Variants in RALGAPA2 observed in about 807,000 individuals in gnomAD.
RALGAPA2 encodes the protein Ral GTPase activating protein catalytic subunit alpha 2.
RALGAPA2 carries 139 observed loss-of-function variants against 230.4 expected under a neutral mutation model. The ratio of observed to expected loss-of-function variants is 0.60; its 90% CI spans 0.53 to 0.69. The LOEUF (loss-of-function observed/expected upper bound fraction) is 0.69. Among genes scored for constraint, RALGAPA2 ranks in the 30% least tolerant of loss-of-function variants. The pLI, the probability that RALGAPA2 is intolerant of heterozygous loss-of-function variation, is 0.00. For missense variants in RALGAPA2, 2,163 were observed against 2,276.0 expected (o/e 0.95, Z 1.01); for synonymous variants, 847 against 837.8 (o/e 1.01, Z -0.19).
At chr20:20,700,434 T>A (rs375892682) in intron 1 of RALGAPA2, among the ~76,000 whole-genome samples, 2 of 152,140 alleles carry the variant, frequency 1.3e-5, no homozygotes, top group East Asian at 3.9e-4. Flanking sequence ...CCTGCACATG[T>A]ACCCCCTGTA....
At chr20:20,631,756 C>T (rs1186555157) in intron 9 of RALGAPA2, among the ~76,000 whole-genome samples, 1 of 152,156 alleles carries the variant, frequency 6.6e-6, no homozygotes, top group African/African-American at 2.4e-5. Context: ...GAAACTAACA[C>T]AACAACTTAC....
intron 25 of RALGAPA2, among the ~76,000 whole-genome samples, chr20:20,536,045 G>T (rs2063490735): frequency 6.6e-6 from 1 of 152,152 alleles, no homozygotes. Flanking sequence ...AGCGCTTCTG[G>T]TATAAAGCAA....
At chr20:20,489,783 G>A (rs1010467167) in intron 36 of RALGAPA2, among the ~76,000 whole-genome samples, 1 of 152,214 alleles carries the variant, frequency 6.6e-6, no homozygotes, top group Admixed American at 6.5e-5. Context: ...CTAGGCAGTC[G>A]CATGCCAAGG....
chr20:20,640,091 C>T (rs548512829), intron 6 of RALGAPA2, among the ~76,000 whole-genome samples, 191 bp from the exon 7 acceptor site: 2 of 152,348 alleles, frequency 1.3e-5, no homozygotes, highest in African/African-American at 4.8e-5. Flanking sequence ...GAAGCGCCTT[C>T]TCCTGCTGCA....
At chr20:20,603,034 G>A (rs913172735) in intron 15 of RALGAPA2, among the ~76,000 whole-genome samples, 2 of 152,102 alleles carry the variant, frequency 1.3e-5, no homozygotes, top group African/African-American at 2.4e-5. Flanking sequence ...CTCAGGCCCC[G>A]GGTTTACACA....
chr20:20,569,982 T>C (rs886789432), intron 23 of RALGAPA2, among the ~76,000 whole-genome samples: 3 of 152,190 alleles, frequency 2.0e-5, no homozygotes, highest in Non-Finnish European at 2.9e-5. Flanking sequence ...TGAGAGTTAA[T>C]TGTCTTTTCT....
chr20:20,619,263 G>C lies in RALGAPA2; in HGVS notation c.1539+14C>G. 1 of 1,585,612 alleles carries C rather than the reference G, an allele frequency of 6.3e-7. No individual in the cohort carries two copies. Among genetic ancestry groups the C allele is most frequent in the South Asian group, 1.2e-5 (1 of 86,126 alleles). On this transcript the variant is annotated intron_variant, in intron 12 of 39. Transcript: ENST00000202677. ...GGCGGTGGAGGGGTCTTCATGTCCTGGCCAGCCACATACCTGCAACAAAGC... is the reference window on the plus strand; with the variant it reads ...GGCGGTGGAGGGGTCTTCATGTCCTCGCCAGCCACATACCTGCAACAAAGC...
chr20:20,426,809 C>T (rs778477181), intron 37 of RALGAPA2, among the ~76,000 whole-genome samples: 6 of 152,298 alleles, frequency 3.9e-5, no homozygotes, highest in East Asian at 3.9e-4. Context: ...AGTGAGCCCC[C>T]GGCCAGGCAC....
Position 20,619,274 on chromosome 20 carries a change from T to C in RALGAPA2, c.1539+3A>G. The C allele has an allele frequency of 6.3e-7, 1 of 1,596,624 alleles. No homozygotes were observed. The highest frequency in any genetic ancestry group is 8.6e-7 in the Non-Finnish European group (1 of 1,169,266). ...GGTCTTCATGTCCTGGCCAGCCACA[T>C]ACCTGCAACAAAGCCTGGACGCCGG... is the stretch of plus-strand genomic sequence containing the variant. On this transcript the variant is annotated splice_donor_region_variant and intron_variant, in intron 12 of 39. Coordinates refer to ENST00000202677, the MANE Select transcript of RALGAPA2 (RefSeq NM_020343.4).
At chr20:20,393,841 C>G (rs894210186) in intron 39 of RALGAPA2, among the ~76,000 whole-genome samples, 2 of 152,198 alleles carry the variant, frequency 1.3e-5, no homozygotes, top group East Asian at 3.9e-4. Flanking sequence ...CTGCACCCCC[C>G]GCTTCCCCAG....
chr20:20,620,328 G>GC, intron 11 of RALGAPA2, 135 bp downstream of exon 11: 1 of 885,340 alleles, frequency 1.1e-6, no homozygotes, highest in South Asian at 2.0e-5. Flanking sequence ...ACAGAACTCA[G>GC]CAACTCAGAA....
At chr20:20,559,410 A>G (rs1197096235) in intron 23 of RALGAPA2, among the ~76,000 whole-genome samples, 1 of 152,166 alleles carries the variant, frequency 6.6e-6, no homozygotes, top group African/African-American at 2.4e-5. Flanking sequence ...AGCTCTATCA[A>G]CCTGCTTATG....
intron 37 of RALGAPA2, among the ~76,000 whole-genome samples, chr20:20,445,246 T>TG (rs1474498168): frequency 6.6e-6 from 1 of 152,188 alleles, no homozygotes; most frequent in African/African-American, 2.4e-5. Flanking sequence ...TACTGTAACT[T>TG]GAGATGCTCG....
chr20:20,560,483 C>T (rs2064224448), intron 23 of RALGAPA2, among the ~76,000 whole-genome samples: 1 of 152,158 alleles, frequency 6.6e-6, no homozygotes. Flanking sequence ...CACAATACCA[C>T]TTATTGTTAT....
chr20:20,675,705 T>C lies in RALGAPA2; in HGVS notation c.270+531A>G, dbSNP rs568812523. On this transcript the variant is annotated intron_variant, in intron 3 of 39. Transcript: ENST00000202677. Reference sequence around the variant, plus strand: ...AAGATATGATCAATGCACACAGATATACAGATGCATAAAGATCATAACCTC... The same window carrying C: ...AAGATATGATCAATGCACACAGATACACAGATGCATAAAGATCATAACCTC... Among the ~76,000 whole-genome samples the C allele has an allele frequency of 2.9e-4, 44 of 152,164 alleles. No individual in the cohort carries two copies. The South Asian group carries it at 8.3e-3, about 29-fold the overall frequency.
At chr20:20,685,126 T>TAA in intron 1 of RALGAPA2, among the ~76,000 whole-genome samples, 1 of 141,872 alleles carries the variant, frequency 7.0e-6, no homozygotes, top group African/African-American at 2.6e-5. Flanking sequence ...TTTGCTCAAT[T>TAA]AAAAAAAAAA....
At chr20:20,559,161 C>T (rs1193286012) in intron 23 of RALGAPA2, among the ~76,000 whole-genome samples, 1 of 152,142 alleles carries the variant, frequency 6.6e-6, no homozygotes, top group East Asian at 1.9e-4. Flanking sequence ...AGTAAAATTA[C>T]TCCACCTGCA....
chr20:20,710,313 C>A (rs186682022), intron 1 of RALGAPA2, among the ~76,000 whole-genome samples: 6 of 152,050 alleles, frequency 3.9e-5, no homozygotes, highest in African/African-American at 1.4e-4. Flanking sequence ...GTTCAAGAGG[C>A]CTTTGTTTTC....
At position 20,505,417 on chromosome 20, in the gene RALGAPA2, T is replaced by G; in HGVS notation, c.5046A>C (p.Gly1682=). 6.3e-7 allele frequency: 1 copy of G among 1,598,550 alleles called. No homozygotes were observed. The highest frequency in any genetic ancestry group is 8.5e-7 in the Non-Finnish European group (1 of 1,172,274). The change falls in exon 34 of 40, where the codon GGA becomes GGC. Residue 1682 remains glycine, a synonymous_variant. Coordinates refer to ENST00000202677, the MANE Select transcript of RALGAPA2 (RefSeq NM_020343.4). ...ACTGAATGAAATGCATTACCTCCCA[T>G]CCAAGTCCAGCAACAAAGTCTTCAT... ...QAYEDFVAGL[G]WEVDLSTHCG...
Sources: gnomAD v4.1 joint callset for allele counts (sites outside exome capture counted in the v4.1 genomes callset) on GRCh38, gnomAD v4.1.1 for gene constraint, MANE v1.5 for transcripts, NCBI Gene and HGNC (gene_info 2026-07-23, HGNC 2026-07-21) for gene names.